The following ART5 variants were observed in gnomAD, a reference collection of about 807,000 sequenced individuals.
The protein encoded by ART5 is ADP-ribosyltransferase 5.
A neutral mutation model predicts 25.0 loss-of-function variants in ART5; 22 were observed. The ratio of observed to expected loss-of-function variants is 0.88; its 90% CI spans 0.63 to 1.26. The LOEUF is 1.26. Ranked by LOEUF, ART5 falls within the 50% of genes most tolerant of loss-of-function variation. The pLI, the probability that ART5 is intolerant of heterozygous loss-of-function variation, is 0.00. For missense variants in ART5, 402 were observed against 372.8 expected, an observed-to-expected ratio of 1.08 and a Z score of -0.64; for synonymous variants, 161 against 154.8, an observed-to-expected ratio of 1.04 and a Z score of -0.30.
Position 3,641,846 on chromosome 11 carries a change from A to G in ART5, c.17T>C (p.Leu6Ser). The G allele has an allele frequency of 1.3e-6, 2 of 1,576,552 alleles. No homozygotes were observed. Among genetic ancestry groups the G allele is most frequent in the Non-Finnish European group, 1.7e-6 (2 of 1,161,832 alleles). ...GCCGAGGCTGCCGAGGGCGATCATC[A>G]AAGCCGCCAGCGCCATCCCTGGAGG... MALAA[L>S]MIALGSLGLH... The change falls in exon 1 of 4, where the codon TTG (leucine) becomes TCG (serine). Residue 6 changes from leucine (L) to serine (S), a missense_variant. Coordinates refer to ENST00000397068, the MANE Select transcript of ART5 (RefSeq NM_053017.5).
At chr11:3,640,675 T>C (rs1247211198) in intron 1 of ART5, among the ~76,000 whole-genome samples, 1 of 151,550 alleles carries the variant, frequency 6.6e-6, no homozygotes, top group African/African-American at 2.4e-5. Context: ...GTTGGAGTGA[T>C]TCTCCCACCT....
At chr11:3,642,089 C>A, upstream of ART5, 1 of 1,407,214 alleles carries the variant, frequency 7.1e-7, no homozygotes, top group South Asian at 1.6e-5. Flanking sequence ...TCCTCAGAGC[C>A]TCCAGTCTGG....
chr11:3,642,290 C>T (rs1286380359), upstream of ART5: 1 of 1,021,496 alleles, frequency 9.8e-7, no homozygotes, highest in Non-Finnish European at 1.2e-6. Flanking sequence ...TCGAGGCTAA[C>T]TGTAGCCCCC....
At chr11:3,642,221 T>C (rs1325306378), upstream of ART5, 1 of 1,152,158 alleles carries the variant, frequency 8.7e-7, no homozygotes, top group Non-Finnish European at 1.1e-6. Flanking sequence ...CGCCGAGGGC[T>C]CTGGCGGGCG....
At chr11:3,640,805 G>C (rs1005366257) in intron 1 of ART5, among the ~76,000 whole-genome samples, 1 of 152,162 alleles carries the variant, frequency 6.6e-6, no homozygotes, top group Admixed American at 6.5e-5. Flanking sequence ...ACAATGGCAC[G>C]ATCTTGGCTC....
upstream of ART5, chr11:3,642,180 G>A (rs1042988510): frequency 7.4e-6 from 9 of 1,216,232 alleles, no homozygotes; most frequent in African/African-American, 1.2e-4. Context: ...GGACCCACTT[G>A]AAGGCTGCGG....
Position 3,640,138 on chromosome 11 carries a change from CATA to C in ART5, c.288_290del (p.Ile96del). On this transcript the variant is annotated inframe_deletion, in exon 2 of 4. Coordinates refer to ENST00000397068, the MANE Select transcript of ART5 (RefSeq NM_053017.5). ...AGGTGTTCGATGAGTTGGTGTAGAC[CATA>C]ATGGCTATTCCATTCTGGGCTTTGA... 5 of 1,614,198 alleles carry C rather than the reference CATA, an allele frequency of 3.1e-6. No homozygotes were observed. Among genetic ancestry groups the C allele is most frequent in the Non-Finnish European group, 4.2e-6 (5 of 1,180,056 alleles).
intron 1 of ART5, among the ~76,000 whole-genome samples, chr11:3,641,039 A>T (rs1006843224): frequency 1.3e-5 from 2 of 152,120 alleles, no homozygotes; most frequent in Non-Finnish European, 2.9e-5. Flanking sequence ...CACCGCGCGC[A>T]GGCTGAAATC....
intron 1 of ART5, among the ~76,000 whole-genome samples, chr11:3,641,484 T>C (rs376296539): frequency 2.7e-4 from 41 of 152,174 alleles, no homozygotes; most frequent in African/African-American, 9.2e-4. Flanking sequence ...GGCCAAGCCT[T>C]GGTTGGGACG....
upstream of ART5, chr11:3,642,084 A>G (rs983551801): frequency 1.0e-5 from 14 of 1,405,962 alleles, no homozygotes; most frequent in Non-Finnish European, 1.3e-5. Flanking sequence ...CCCCTTCCTC[A>G]GAGCCTCCAG....
In ART5 at chr11:3,641,674, A is replaced by G. The variant is rs2077399838; in HGVS notation, c.57+132T>C. ...TGCAGAGATGGAGGTTCCTGAGAGG[A>G]AGAGAGTTAAGAGTGGAATCCTAGG... On this transcript the variant is annotated intron_variant, in intron 1 of 3. Coordinates refer to ENST00000397068, the MANE Select transcript of ART5 (RefSeq NM_053017.5). 11 of 1,457,036 alleles carry G rather than the reference A, an allele frequency of 7.5e-6. No individual in the cohort carries two copies. In the Admixed American group the frequency reaches 2.4e-4, roughly 32 times the overall value. 90.3% of individuals were successfully genotyped at this position (1,457,036 alleles called of 1,614,324 possible).
At chr11:3,642,357 C>G, upstream of ART5, 1 of 933,258 alleles carries the variant, frequency 1.1e-6, no homozygotes, top group Non-Finnish European at 1.3e-6. Context: ...GGAGCGGGCG[C>G]GCCAGGGCAG....
upstream of ART5, chr11:3,642,325 C>T (rs770207160): frequency 2.7e-5 from 27 of 996,094 alleles, no homozygotes; most frequent in Middle Eastern, 5.1e-4. Flanking sequence ...ACACCCCTTT[C>T]CCAGCGCCGC....
At chr11:3,639,529 C>T in intron 2 of ART5, 113 bp downstream of exon 2, 1 of 1,454,438 alleles carries the variant, frequency 6.9e-7, no homozygotes, top group Non-Finnish European at 9.2e-7. Flanking sequence ...TTCCAGCCCT[C>T]ATTTCCCCTT....
At position 3,639,626 on chromosome 11, in the gene ART5, C is replaced by T. The variant is rs772023577; in HGVS notation, c.787+16G>A. The T allele has an allele frequency of 6.2e-6, 10 of 1,600,156 alleles. No homozygotes were observed. Among genetic ancestry groups the T allele is most frequent in the Admixed American group, 3.4e-5 (2 of 58,472 alleles). ...CACCCACACTGCCAGTCCTGCTTCC[C>T]CCATGCACAGCTTACCACCCAGATA... On this transcript the variant is annotated intron_variant, in intron 2 of 3. Coordinates refer to ENST00000397068, the MANE Select transcript of ART5 (RefSeq NM_053017.5).
chr11:3,639,411 G>A (rs2077359103), intron 2 of ART5, among the ~76,000 whole-genome samples: 1 of 152,138 alleles, frequency 6.6e-6, no homozygotes, highest in South Asian at 2.1e-4. Flanking sequence ...TGTAGCAGAT[G>A]GACCCTTTTG....
upstream of ART5, chr11:3,642,244 C>T (rs180711180): frequency 3.5e-3 from 3,783 of 1,085,756 alleles, 105 homozygotes; most frequent in African/African-American, 0.056. Context: ...GCGCTGTCCC[C>T]GGAGGAGTCC....
chr11:3,639,140 C>T (rs917813451), intron 2 of ART5, 105 bp from the exon 3 acceptor site: 3 of 1,277,788 alleles, frequency 2.3e-6, no homozygotes, highest in Non-Finnish European at 3.3e-6. Context: ...ATCTATCTTT[C>T]CCTTCACCTA....
At chr11:3,642,366 A>G, upstream of ART5, 8 of 845,572 alleles carry the variant, frequency 9.5e-6, no homozygotes, top group Non-Finnish European at 1.1e-5. Context: ...GCGCCAGGGC[A>G]GGGACTGAGG....
Sources: gnomAD v4.1 joint callset for allele counts (sites outside exome capture counted in the v4.1 genomes callset) on GRCh38, gnomAD v4.1.1 for gene constraint, MANE v1.5 for transcripts, NCBI Gene and HGNC (gene_info 2026-07-23, HGNC 2026-07-21) for gene names.